Variants in RFX4 observed in about 807,000 individuals in gnomAD.
RFX4 encodes regulatory factor X4, also known as transcription factor RFX4.
In RFX4, 10 loss-of-function variants were observed where a neutral mutation model predicts 95.0. The observed-to-expected ratio is 0.11, with a 90% CI of 0.06 to 0.18. RFX4 has a LOEUF of 0.18. Among genes scored for constraint, RFX4 ranks in the 10% least tolerant of loss-of-function variants. RFX4 has a pLI of 1.00. For synonymous variants in RFX4, 321 were observed against 340.7 expected (o/e 0.94, Z 0.64); for missense variants, 640 against 922.0 (o/e 0.69, Z 3.96).
chr12:106,645,108 T>C (rs1458942833), intron 3 of RFX4, among the ~76,000 whole-genome samples: 1 of 149,652 alleles, frequency 6.7e-6, no homozygotes, highest in Non-Finnish European at 1.5e-5. Flanking sequence ...CCTAAAATAA[T>C]TGGGGACACG....
chr12:106,591,259 TC>T (rs68047483), intron 1 of RFX4, among the ~76,000 whole-genome samples: 15,851 of 106,246 alleles, frequency 0.15, 4,177 homozygotes, highest in African/African-American at 0.2. Flanking sequence ...GTTAAAATAG[TC>T]CCTTTTTTTT....
intron 2 of RFX4, among the ~76,000 whole-genome samples, chr12:106,627,232 C>T (rs1287836381): frequency 6.6e-6 from 1 of 152,190 alleles, no homozygotes; most frequent in African/African-American, 2.4e-5. Context: ...TGACTCATCA[C>T]TATTGTATTA....
chr12:106,692,208 C>T (rs2041798871), intron 7 of RFX4, among the ~76,000 whole-genome samples: 1 of 151,780 alleles, frequency 6.6e-6, no homozygotes. Flanking sequence ...GGAACGTCTT[C>T]TCCAGACTAC....
At chr12:106,653,297 G>A (rs2040890511) in intron 3 of RFX4, among the ~76,000 whole-genome samples, 1 of 152,166 alleles carries the variant, frequency 6.6e-6, no homozygotes, top group Admixed American at 6.5e-5. Context: ...ACACGGTCAG[G>A]ACATATAGTG....
At chr12:106,641,883 T>A (rs1002129545) in intron 3 of RFX4, among the ~76,000 whole-genome samples, 1 of 152,080 alleles carries the variant, frequency 6.6e-6, no homozygotes, top group Non-Finnish European at 1.5e-5. Context: ...CAATGGTGGA[T>A]AAGGTAGACC....
intron 2 of RFX4, among the ~76,000 whole-genome samples, chr12:106,635,486 T>C (rs994436871): frequency 9.9e-5 from 15 of 152,082 alleles, no homozygotes; most frequent in Non-Finnish European, 1.5e-4. Flanking sequence ...CTAATTTTTG[T>C]ATTTTTAGTA....
At chr12:106,679,167 T>C (rs2041452797) in intron 4 of RFX4, among the ~76,000 whole-genome samples, 1 of 152,204 alleles carries the variant, frequency 6.6e-6, no homozygotes, top group Non-Finnish European at 1.5e-5. Context: ...TTAAACATGG[T>C]GCCTTACTGG....
At chr12:106,627,133 G>A (rs2040317973) in intron 2 of RFX4, among the ~76,000 whole-genome samples, 1 of 152,160 alleles carries the variant, frequency 6.6e-6, no homozygotes, top group African/African-American at 2.4e-5. Context: ...ACTGTCCAGT[G>A]GGGACAGAGG....
chr12:106,606,846 C>T (rs117466712), intron 1 of RFX4, among the ~76,000 whole-genome samples: 1 of 152,290 alleles, frequency 6.6e-6, no homozygotes, highest in Non-Finnish European at 1.5e-5. Context: ...CATTGATTTC[C>T]CCTCTCCGCA....
intron 1 of RFX4, among the ~76,000 whole-genome samples, chr12:106,606,860 C>T (rs192466674): frequency 6.6e-6 from 1 of 152,316 alleles, no homozygotes; most frequent in East Asian, 1.9e-4. Flanking sequence ...CTCCGCATAG[C>T]TTACTCGTCC....
intron 2 of RFX4, among the ~76,000 whole-genome samples, chr12:106,622,581 C>CA (rs1375288038): frequency 1.3e-5 from 2 of 150,792 alleles, no homozygotes; most frequent in Non-Finnish European, 2.9e-5. Context: ...AGCATACTTG[C>CA]ATTCAAATTC....
intron 4 of RFX4, among the ~76,000 whole-genome samples, chr12:106,655,226 C>T (rs930976636): frequency 8.5e-5 from 13 of 152,070 alleles, no homozygotes; most frequent in Admixed American, 6.5e-5. Flanking sequence ...CCCTGGAGAG[C>T]CCAAAAATGG....
intron 15 of RFX4, among the ~76,000 whole-genome samples, chr12:106,744,781 C>A (rs1255183450): frequency 1.3e-5 from 2 of 152,148 alleles, no homozygotes; most frequent in East Asian, 3.9e-4. Context: ...CACCCACTCA[C>A]TCTGGGACCT....
chr12:106,730,234 T>G (rs754032758), intron 13 of RFX4, among the ~76,000 whole-genome samples: 3 of 152,104 alleles, frequency 2.0e-5, no homozygotes, highest in Admixed American at 6.6e-5. Flanking sequence ...AGAAGCCAGG[T>G]GCAGTTAAGG....
In RFX4 at chr12:106,720,972, A is replaced by G. The variant is rs2042385899; in HGVS notation, c.1351+96A>G. On this transcript the variant is annotated intron_variant, in intron 13 of 17. Coordinates refer to ENST00000392842, the MANE Select transcript of RFX4 (RefSeq NM_213594.3). This position sits in a 1 kb window ranked among gnomAD's most constrained non-coding sequence, Gnocchi z 4.2. ...CACAGTCTAACTTGCTGTTTCTGCAAGGTCATCACCCTGAAACACATCTCT... is the reference window on the plus strand; with the variant it reads ...CACAGTCTAACTTGCTGTTTCTGCAGGGTCATCACCCTGAAACACATCTCT... 1 of 1,028,666 alleles carries G rather than the reference A, an allele frequency of 9.7e-7. No individual in the cohort carries two copies. The highest frequency in any genetic ancestry group is 1.3e-5 in the South Asian group (1 of 76,354). The allele number at this position is 1,028,666 out of a possible 1,614,324, so 63.7% of individuals were successfully genotyped here. A position where few individuals can be genotyped will look rare whatever the true frequency, so the allele number is the denominator to read the frequency against.
chr12:106,623,942 T>C (rs2040238592), intron 2 of RFX4, among the ~76,000 whole-genome samples: 1 of 152,214 alleles, frequency 6.6e-6, no homozygotes. Context: ...ACCCAGGCTG[T>C]TTATGTCTTT....
intron 8 of RFX4, among the ~76,000 whole-genome samples, chr12:106,697,252 CCCAT>C (rs544530801): frequency 2.6e-5 from 4 of 152,122 alleles, no homozygotes; most frequent in Non-Finnish European, 5.9e-5. Context: ...AATAAACCCA[CCCAT>C]TTAGAGTGGC....
chr12:106,753,863 C>T (rs184623230), intron 17 of RFX4, among the ~76,000 whole-genome samples: 7 of 152,280 alleles, frequency 4.6e-5, no homozygotes, highest in South Asian at 2.1e-4. Flanking sequence ...CAGGAAGCTA[C>T]GGAGTGGTAA....
intron 5 of RFX4, chr12:106,683,315 A>C (rs2137403782): frequency 6.7e-6 from 1 of 148,520 alleles, no homozygotes; most frequent in African/African-American, 2.5e-5. Context: ...ACTGGGAAAA[A>C]CCCTTTTTTG....
Sources: gnomAD v4.1 joint callset for allele counts (sites outside exome capture counted in the v4.1 genomes callset) on GRCh38, gnomAD v4.1.1 for gene constraint, Gnocchi (gnomAD v3.1) non-coding constraint, MANE v1.5 for transcripts, NCBI Gene and HGNC (gene_info 2026-07-23, HGNC 2026-07-21) for gene names.